Variants in LAMA5 observed in about 807,000 individuals in gnomAD.
The protein encoded by LAMA5 is laminin subunit alpha-5.
Under a neutral mutation model 433.4 loss-of-function variants are expected in LAMA5, and 260 were observed. The ratio of observed to expected loss-of-function variants is 0.60; its 90% CI spans 0.54 to 0.66. The LOEUF is 0.66. LAMA5 is among the 30% of genes least tolerant of loss of function. LAMA5 has a pLI of 0.00. For missense variants in LAMA5, 5,378 were observed against 5,258.5 expected, an observed-to-expected ratio of 1.02 and a Z score of -0.70; for synonymous variants, 2,620 against 2,226.6, an observed-to-expected ratio of 1.18 and a Z score of -4.97.
chr20:62,314,478 G>A lies in LAMA5; in HGVS notation c.8368-38C>T, dbSNP rs200527432. ...CAGACACACAGTCGGGATGGGGACC[G>A]GGGACCAGGGACCAGGCACCGCTCA... On this transcript the variant is annotated intron_variant, in intron 61 of 79. Coordinates refer to ENST00000252999, the MANE Select transcript of LAMA5 (RefSeq NM_005560.6). 5.3e-5 allele frequency: 85 copies of A among 1,611,204 alleles called. No homozygotes were observed. The Middle Eastern group carries it at 6.6e-4, about 13-fold the overall frequency.
Position 62,327,851 on chromosome 20 carries a change from C to T in LAMA5, c.4797+15G>A, listed in dbSNP as rs1247710315. On this transcript the variant is annotated intron_variant, in intron 36 of 79. Coordinates refer to ENST00000252999, the MANE Select transcript of LAMA5 (RefSeq NM_005560.6). Reference sequence around the variant, plus strand: ...CCGGAGGGAGAGGCCAGATCTGGGCCCAGCCCTCACTCACCTTACAGTAGC... The same window carrying T: ...CCGGAGGGAGAGGCCAGATCTGGGCTCAGCCCTCACTCACCTTACAGTAGC... 6.3e-7 allele frequency: 1 copy of T among 1,598,780 alleles called. No homozygotes were observed. The highest frequency in any genetic ancestry group is 8.5e-7 in the Non-Finnish European group (1 of 1,172,522).
At chr20:62,345,701 A>T (rs1983250909) in intron 11 of LAMA5, 117 bp downstream of exon 11, 3 of 751,088 alleles carry the variant, frequency 4.0e-6, no homozygotes, top group Non-Finnish European at 6.5e-6. Context: ...ATAAAAAGAA[A>T]TAAGCCAAAA....
intron 16 of LAMA5, 180 bp from the exon 17 acceptor site, chr20:62,336,966 T>C (rs1330625406): frequency 1.4e-6 from 1 of 705,884 alleles, no homozygotes; most frequent in East Asian, 2.7e-5. Context: ...GCAACGGACG[T>C]GCCATCCCAC....
At chr20:62,323,209 G>T (rs527263739) in intron 45 of LAMA5, among the ~76,000 whole-genome samples, 27 of 142,566 alleles carry the variant, frequency 1.9e-4, no homozygotes, top group Admixed American at 1.1e-3. Flanking sequence ...AGGGTGTGAT[G>T]GTCCGGGGGA....
intron 20 of LAMA5, 107 bp from the exon 21 acceptor site, chr20:62,334,728 G>C (rs1454951454): frequency 5.8e-6 from 4 of 695,230 alleles, no homozygotes; most frequent in Non-Finnish European, 8.4e-6. Flanking sequence ...GGATGATGGA[G>C]AGTCAGGGCT....
chr20:62,323,582 G>C lies in LAMA5; in HGVS notation c.5938C>G (p.Leu1980Val). ...DCSGNGDPNL[L>V]FSDCDPLTGA... ...GTCAGGGGGTCGCAGTCGCTGAAGA[G>C]CAAGTTGGGGTCACCGTTGCCGCTG... Residue 1980 changes from leucine (L) to valine (V), a missense_variant, in exon 45 of 80, where the codon CTC (leucine) becomes GTC (valine). Transcript: ENST00000252999. The C allele has an allele frequency of 6.2e-7, 1 of 1,609,642 alleles. No homozygotes were observed. Among genetic ancestry groups the C allele is most frequent in the Non-Finnish European group, 8.5e-7 (1 of 1,178,982 alleles).
chr20:62,311,522 T>C lies in LAMA5; in HGVS notation c.9821A>G (p.Gln3274Arg), dbSNP rs1217880283. 1.2e-6 allele frequency: 2 copies of C among 1,609,668 alleles called. No homozygotes were observed. The highest frequency in any genetic ancestry group is 1.1e-5 in the South Asian group (1 of 90,922). ...GTTCTGCTGCAGATCAAATACGCGC[T>C]GTGGGCCCAGGAGCCTGTGCAGGGC... is the stretch of plus-strand genomic sequence containing the variant. ...NVFVQRLLGP[Q>R]RVFDLQQNLG... The change falls in exon 72 of 80, where the codon CAG (glutamine) becomes CGG (arginine). Residue 3274 changes from glutamine (Q) to arginine (R), a missense_variant. Physicochemically the swap from Gln to Arg is conservative, Grantham distance 43. Transcript: ENST00000252999.
In LAMA5 at chr20:62,324,874, G is replaced by A; in HGVS notation, c.5530-320C>T. On this transcript the variant is annotated intron_variant, in intron 41 of 79. Transcript: ENST00000252999. This position sits in a 1 kb window ranked among gnomAD's most constrained non-coding sequence, Gnocchi z 4.4. ...CTACTCTTTCCACTCCTTCTAGGAGGTATTCAACCACAAACCTCCTCATAC... is the reference window on the plus strand; with the variant it reads ...CTACTCTTTCCACTCCTTCTAGGAGATATTCAACCACAAACCTCCTCATAC... The A allele has an allele frequency of 2.4e-6, 1 of 418,986 alleles. No homozygotes were observed. The highest frequency in any genetic ancestry group is 4.4e-6 in the Non-Finnish European group (1 of 226,878). The allele number at this position is 418,986 out of a possible 1,614,324, so 26.0% of individuals were successfully genotyped here. A position where few individuals can be genotyped will look rare whatever the true frequency, so the allele number is the denominator to read the frequency against.
chr20:62,350,621 G>A (rs1568972580), intron 6 of LAMA5, among the ~76,000 whole-genome samples: 1 of 152,174 alleles, frequency 6.6e-6, no homozygotes, highest in Non-Finnish European at 1.5e-5. Flanking sequence ...CTGCTCGGTT[G>A]CAGGCACTAG....
intron 43 of LAMA5, 83 bp from the exon 44 acceptor site, chr20:62,323,939 A>C: frequency 6.9e-7 from 1 of 1,459,048 alleles, no homozygotes; most frequent in Non-Finnish European, 9.2e-7. Flanking sequence ...GCTGGAACAC[A>C]CGCCAGGCGT....
At chr20:62,363,244 T>G (rs557973936) in intron 1 of LAMA5, among the ~76,000 whole-genome samples, 2 of 152,164 alleles carry the variant, frequency 1.3e-5, no homozygotes, top group Admixed American at 6.5e-5. Flanking sequence ...AGAGTGGACG[T>G]GTGGACAGCG....
chr20:62,351,677 C>CG, intron 6 of LAMA5, 27 bp downstream of exon 6: 1 of 1,601,068 alleles, frequency 6.2e-7, no homozygotes, highest in Middle Eastern at 1.7e-4. Flanking sequence ...CTCACCTGAA[C>CG]GGGGCCTCAC....
chr20:62,355,136 T>C (rs976861474), intron 2 of LAMA5: 2 of 152,290 alleles, frequency 1.3e-5, no homozygotes, highest in African/African-American at 4.8e-5. Flanking sequence ...TGCTCACAGG[T>C]GGGCACCCAG....
intron 6 of LAMA5, chr20:62,350,889 C>T (rs1984185594): frequency 6.6e-6 from 1 of 152,320 alleles, no homozygotes. Flanking sequence ...GTGTTAGGCG[C>T]TCAACATACA....
chr20:62,338,696 C>A (rs1601376291), intron 11 of LAMA5, 88 bp from the exon 12 acceptor site: 1 of 1,293,970 alleles, frequency 7.7e-7, no homozygotes, highest in South Asian at 1.4e-5. Flanking sequence ...TCCACAAACT[C>A]ATTTTCTTAC....
intron 2 of LAMA5, among the ~76,000 whole-genome samples, chr20:62,361,148 C>T (rs1335688261): frequency 6.6e-6 from 1 of 152,174 alleles, no homozygotes; most frequent in Non-Finnish European, 1.5e-5. Context: ...GCCTCTGCTG[C>T]TGTGCCAGAG....
intron 50 of LAMA5, among the ~76,000 whole-genome samples, 156 bp downstream of exon 50, chr20:62,320,399 AATTC>A (rs1987552103): frequency 6.6e-6 from 1 of 151,778 alleles, no homozygotes; most frequent in Admixed American, 6.6e-5. Context: ...TTTAGATAGT[AATTC>A]AGTGACTTGG....
rs1461796455 is a variant in LAMA5, at chr20:62,330,620, G to C, written c.3853-6C>G. On this transcript the variant is annotated splice_polypyrimidine_tract_variant and splice_region_variant and intron_variant, in intron 30 of 79. Coordinates refer to ENST00000252999, the MANE Select transcript of LAMA5 (RefSeq NM_005560.6). ...GTGGTGAAGACCACGGTGGCCTGCA[G>C]GGATAGGCCCTAGTGAGCAGGCTGA... is the stretch of plus-strand genomic sequence containing the variant. 2 of 1,588,310 alleles carry C rather than the reference G, an allele frequency of 1.3e-6. No homozygotes were observed. Among genetic ancestry groups the C allele is most frequent in the African/African-American group, 2.7e-5 (2 of 74,764 alleles).
intron 51 of LAMA5, among the ~76,000 whole-genome samples, chr20:62,319,344 G>A (rs112956257): frequency 2.0e-5 from 3 of 152,178 alleles, no homozygotes; most frequent in African/African-American, 7.2e-5. Context: ...CCCAGGCTGG[G>A]CTGGCAGGTC....
Sources: gnomAD v4.1 joint callset for allele counts (sites outside exome capture counted in the v4.1 genomes callset) on GRCh38, gnomAD v4.1.1 for gene constraint, Gnocchi (gnomAD v3.1) non-coding constraint, MANE v1.5 for transcripts, NCBI Gene and HGNC (gene_info 2026-07-23, HGNC 2026-07-21) for gene names.